The following ANKRD44 variants were observed in gnomAD, a reference collection of about 807,000 sequenced individuals.
The protein encoded by ANKRD44 is ankyrin repeat domain 44.
ANKRD44 carries 35 observed loss-of-function variants against 116.0 expected under a neutral mutation model. That is an observed-to-expected ratio of 0.30 (90% CI 0.23 to 0.40). The LOEUF (loss-of-function observed/expected upper bound fraction) is 0.40. Ranked by LOEUF, ANKRD44 falls within the 10% of genes least tolerant of loss-of-function variation. ANKRD44 has a pLI of 1.00. For missense variants in ANKRD44, 1,014 were observed against 1,242.6 expected, an observed-to-expected ratio of 0.82 and a Z score of 2.77; for synonymous variants, 435 against 461.8, an observed-to-expected ratio of 0.94 and a Z score of 0.74.
intron 27 of ANKRD44, chr2:196,990,494 A>G: frequency 1.6e-6 from 2 of 1,225,102 alleles, no homozygotes; most frequent in Non-Finnish European, 2.0e-6. Context: ...ACAAAACAAA[A>G]CTGGGGCCAT....
intron 1 of ANKRD44, among the ~76,000 whole-genome samples, chr2:197,253,450 G>T: frequency 6.6e-6 from 1 of 151,978 alleles, no homozygotes; most frequent in East Asian, 1.9e-4. Flanking sequence ...ACACACACAC[G>T]TACATATTCC....
chr2:197,293,313 G>A (rs2083622512), intron 1 of ANKRD44, among the ~76,000 whole-genome samples: 1 of 152,244 alleles, frequency 6.6e-6, no homozygotes, highest in South Asian at 2.1e-4. Context: ...ATACTAAAAA[G>A]TTGGGGTACA....
At chr2:196,974,873 G>C (rs2075745693) in intron 21 of ANKRD44, among the ~76,000 whole-genome samples, 1 of 150,558 alleles carries the variant, frequency 6.6e-6, no homozygotes, top group Non-Finnish European at 1.5e-5. Context: ...CTAGGTGACA[G>C]AGTGAGACTC....
intron 1 of ANKRD44, among the ~76,000 whole-genome samples, chr2:197,262,675 G>A (rs2178202): frequency 0.83 from 125,607 of 152,174 alleles, 51,973 homozygotes; most frequent in South Asian, 0.9. Context: ...AGACCGAGGC[G>A]GGTGGATCAC....
intron 1 of ANKRD44, among the ~76,000 whole-genome samples, chr2:197,291,732 G>C (rs1469414580): frequency 6.6e-6 from 1 of 152,086 alleles, no homozygotes; most frequent in African/African-American, 2.4e-5. Context: ...GTGCAGGTTT[G>C]ATACATATGT....
intron 16 of ANKRD44, among the ~76,000 whole-genome samples, chr2:197,039,660 G>C (rs2076870071): frequency 6.9e-6 from 1 of 143,948 alleles, no homozygotes; most frequent in African/African-American, 2.6e-5. Flanking sequence ...CATGTGTGTG[G>C]TGGTGATTGT....
At chr2:197,251,145 T>C (rs929497820) in intron 1 of ANKRD44, among the ~76,000 whole-genome samples, 1 of 152,254 alleles carries the variant, frequency 6.6e-6, no homozygotes, top group Non-Finnish European at 1.5e-5. Flanking sequence ...AGGTCTTTTA[T>C]GTATTTTATT....
At chr2:197,040,376 CT>C (rs56405646) in intron 16 of ANKRD44, among the ~76,000 whole-genome samples, 92 of 122,668 alleles carry the variant, frequency 7.5e-4, no homozygotes, top group African/African-American at 1.5e-3. Flanking sequence ...GGAGGTAAGC[CT>C]TTTTTTTTTT....
chr2:197,109,831 CT>C (rs1255889413), intron 9 of ANKRD44, among the ~76,000 whole-genome samples: 2 of 152,122 alleles, frequency 1.3e-5, no homozygotes, highest in African/African-American at 4.8e-5. Context: ...CCATGACCCC[CT>C]ATTAGTAACA....
chr2:197,062,537 G>A lies in ANKRD44; in HGVS notation c.1650+16166C>T, dbSNP rs141723573. Among the ~76,000 whole-genome samples, 26 of 152,340 alleles carry A rather than the reference G, an allele frequency of 1.7e-4. No homozygotes were observed. In the East Asian group the frequency reaches 4.4e-3, roughly 26 times the overall value. ...ATGAGCCCAAGCAGGGCGAGGCATCGCCTCACCCGGGAAGCGCAAGGGGTC... is the reference window on the plus strand; with the variant it reads ...ATGAGCCCAAGCAGGGCGAGGCATCACCTCACCCGGGAAGCGCAAGGGGTC... On this transcript the variant is annotated intron_variant, in intron 16 of 27. Coordinates refer to ENST00000282272, the MANE Select transcript of ANKRD44 (RefSeq NM_001195144.2).
intron 1 of ANKRD44, among the ~76,000 whole-genome samples, chr2:197,222,471 A>G (rs148974965): frequency 9.2e-5 from 14 of 152,348 alleles, no homozygotes; most frequent in Non-Finnish European, 1.9e-4. Flanking sequence ...TTTAAAAAAC[A>G]TTCTCTGCCC....
chr2:197,254,628 C>CAT (rs1418279457), intron 1 of ANKRD44, among the ~76,000 whole-genome samples: 1 of 134,640 alleles, frequency 7.4e-6, no homozygotes, highest in Non-Finnish European at 1.7e-5. Context: ...CACACACACA[C>CAT]ACATATATAT....
At chr2:196,984,128 C>T (rs2075821110), downstream of ANKRD44, among the ~76,000 whole-genome samples, 1 of 152,082 alleles carries the variant, frequency 6.6e-6, no homozygotes, top group Non-Finnish European at 1.5e-5. Flanking sequence ...GTGTCATAAG[C>T]AATACATTGA....
At chr2:196,974,599 A>G (rs1488927728) in intron 21 of ANKRD44, among the ~76,000 whole-genome samples, 1 of 152,150 alleles carries the variant, frequency 6.6e-6, no homozygotes, top group Admixed American at 6.5e-5. Context: ...TTAAGAAAAT[A>G]AAAAAGGAGG....
At chr2:197,149,007 G>C (rs1212534414) in intron 2 of ANKRD44, among the ~76,000 whole-genome samples, 2 of 152,158 alleles carry the variant, frequency 1.3e-5, no homozygotes, top group East Asian at 1.9e-4. Context: ...AACTATATAA[G>C]CTGAGAACAG....
chr2:197,096,614 T>C (rs1267718086), intron 10 of ANKRD44, among the ~76,000 whole-genome samples: 4 of 152,176 alleles, frequency 2.6e-5, no homozygotes, highest in Non-Finnish European at 4.4e-5. Flanking sequence ...AAAGTAATAA[T>C]GATAAAACTT....
intron 27 of ANKRD44, chr2:196,990,941 C>T: frequency 2.4e-6 from 3 of 1,232,118 alleles, no homozygotes; most frequent in South Asian, 4.1e-5. Flanking sequence ...GGCGTAAATG[C>T]AGACAAGGCA....
intron 21 of ANKRD44, among the ~76,000 whole-genome samples, chr2:197,003,218 G>A (rs941096965): frequency 6.6e-6 from 1 of 152,012 alleles, no homozygotes; most frequent in Admixed American, 6.6e-5. Context: ...GGCTGAGGCA[G>A]GAGAATCGCT....
chr2:197,200,832 C>T (rs1447863752), intron 1 of ANKRD44, among the ~76,000 whole-genome samples: 1 of 152,206 alleles, frequency 6.6e-6, no homozygotes, highest in Non-Finnish European at 1.5e-5. Context: ...AAAATGTTTA[C>T]ATCGACAGTC....
Sources: gnomAD v4.1 joint callset for allele counts (sites outside exome capture counted in the v4.1 genomes callset) on GRCh38, gnomAD v4.1.1 for gene constraint, MANE v1.5 for transcripts, NCBI Gene and HGNC (gene_info 2026-07-23, HGNC 2026-07-21) for gene names.